Variants in COL3A1 observed in about 807,000 individuals in gnomAD.
The protein encoded by COL3A1 is collagen alpha-1(III) chain.
COL3A1 carries 46 observed loss-of-function variants against 200.9 expected under a neutral mutation model. The ratio of observed to expected loss-of-function variants is 0.23; its 90% confidence interval spans 0.18 to 0.29. COL3A1 has a LOEUF of 0.29. Ranked by LOEUF, COL3A1 falls within the 10% of genes least tolerant of loss-of-function variation. COL3A1 has a pLI of 1.00. For synonymous variants in COL3A1, 650 were observed against 628.0 expected (o/e 1.03, Z -0.52); for missense variants, 1,367 against 1,917.6 (o/e 0.71, Z 5.36).
At chr2:189,008,012 G>C (rs566509847) in intron 46 of COL3A1, 23 bp from the exon 47 acceptor site, 2 of 1,613,954 alleles carry the variant, frequency 1.2e-6, no homozygotes, top group Admixed American at 1.7e-5. Context: ...TTCTGGCATT[G>C]TGATGTCATG....
chr2:188,987,082 A>G lies in COL3A1; in HGVS notation c.471A>G (p.Ser157=), dbSNP rs201365900. The part of the protein sequence containing the change: ...GPQNYSPQYD[S]YDVKSGVAVG... ...AGAACTATTCTCCCCAGTATGATTC[A>G]TATGATGTCAAGTCTGGAGTAGCAG... The change falls in exon 5 of 51, where the codon TCA becomes TCG. Residue 157 remains serine, a synonymous_variant. Coordinates refer to ENST00000304636, the MANE Select transcript of COL3A1 (RefSeq NM_000090.4). 1.2e-6 allele frequency: 2 copies of G among 1,612,972 alleles called. No individual in the cohort carries two copies. Among genetic ancestry groups the G allele is most frequent in the East Asian group, 2.2e-5 (1 of 44,834 alleles).
At chr2:189,003,296 A>C (rs1688511038) in intron 36 of COL3A1, 115 bp from the exon 37 acceptor site, 1 of 890,374 alleles carries the variant, frequency 1.1e-6, no homozygotes, top group Non-Finnish European at 1.8e-6. Flanking sequence ...CAGCACCAGC[A>C]ATCTAAAAGT....
chr2:189,003,578 C>T lies in COL3A1; in HGVS notation c.2607+114C>T, dbSNP rs993784862. The T allele has an allele frequency of 7.7e-5, 102 of 1,326,462 alleles. No individual in the cohort carries two copies. In the African/African-American group the frequency reaches 1.3e-3, roughly 17 times the overall value. The allele number at this position is 1,326,462 out of a possible 1,614,324, so 82.2% of individuals were successfully genotyped here. Reference sequence around the variant, plus strand: ...AGAGAATGTAAAAATTGTAATCGCTCATTCATACATGAGTTATATGTAAAT... The same window carrying T: ...AGAGAATGTAAAAATTGTAATCGCTTATTCATACATGAGTTATATGTAAAT... On this transcript the variant is annotated intron_variant, in intron 37 of 50. Coordinates refer to ENST00000304636, the MANE Select transcript of COL3A1 (RefSeq NM_000090.4).
rs764932588 is a variant in COL3A1 at position 188,999,270 on chromosome 2, A to G, written c.2023-15A>G. ...TGGGTTGTCTAATATGGTTATTTACATATTTTTGTCACAGGGTGATGCTGG... is the reference window on the plus strand; with the variant it reads ...TGGGTTGTCTAATATGGTTATTTACGTATTTTTGTCACAGGGTGATGCTGG... On this transcript the variant is annotated splice_polypyrimidine_tract_variant and intron_variant, in intron 29 of 50. Coordinates refer to ENST00000304636, the MANE Select transcript of COL3A1 (RefSeq NM_000090.4). 2.6e-6 allele frequency: 4 copies of G among 1,557,156 alleles called. No homozygotes were observed. The African/African-American group carries it at 4.1e-5, about 16-fold the overall frequency.
chr2:189,002,330 T>C lies in COL3A1; in HGVS notation c.2424T>C (p.Pro808=), dbSNP rs1268617769. ...GERGETGPPG[P]AGFPGAPGQN... is the part of the protein sequence containing the mutation. ...GAGGTGAAACTGGCCCTCCAGGACC[T>C]GCTGGTTTCCCTGGTGCTCCTGTAA... is the stretch of plus-strand genomic sequence containing the variant. Residue 808 remains proline (P), a synonymous_variant, in exon 35 of 51, where the codon CCT becomes CCC. Transcript: ENST00000304636. 1 of 1,614,014 alleles carries C rather than the reference T, an allele frequency of 6.2e-7. No individual in the cohort carries two copies. The highest frequency in any genetic ancestry group is 8.5e-7 in the Non-Finnish European group (1 of 1,179,858).
chr2:189,007,099 ATATAT>A lies in COL3A1; in HGVS notation c.3255+110_3255+114del, dbSNP rs1688604636. On this transcript the variant is annotated intron_variant, in intron 44 of 50. Transcript: ENST00000304636. ...GCGTGTTCAGGAAAAAAGAATGAATATATATATATATATATATATATATATATATA... is the reference window on the plus strand; with the variant it reads ...GCGTGTTCAGGAAAAAAGAATGAATAATATATATATATATATATATATATA... 3 of 37,264 alleles carry A rather than the reference ATATAT, an allele frequency of 8.1e-5. 1 individual carries two copies. The highest frequency in any genetic ancestry group is 1.0e-3 in the South Asian group (1 of 978). The allele number at this position is 37,264 out of a possible 1,614,324, so 2.3% of individuals were successfully genotyped here.
chr2:188,978,070 A>C (rs1321839730), intron 1 of COL3A1: 1 of 414,048 alleles, frequency 2.4e-6, no homozygotes, highest in East Asian at 9.5e-5. Context: ...GCCTTGAAAA[A>C]TTTGGATTTT....
At chr2:188,988,693 A>G (rs752387616) in intron 7 of COL3A1, 50 bp downstream of exon 7, 21 of 1,289,814 alleles carry the variant, frequency 1.6e-5, no homozygotes, top group Non-Finnish European at 2.2e-5. Flanking sequence ...TCCATATGGA[A>G]CCTACCTTTG....
chr2:188,999,866 G>C lies in COL3A1; in HGVS notation c.2254G>C (p.Asp752His). The C allele has an allele frequency of 6.3e-7, 1 of 1,595,272 alleles. No individual in the cohort carries two copies. Residue 752 changes from aspartate (D) to histidine (H), a missense_variant, in exon 32 of 51, where the codon GAT (aspartate) becomes CAT (histidine). This residue lies in a region of COL3A1 where 846 missense variants were observed against 1,147.9 expected (regional missense o/e 0.74). Coordinates refer to ENST00000304636, the MANE Select transcript of COL3A1 (RefSeq NM_000090.4). ...GGGTGAACCAGGCGGTCCAGGTGCT[G>C]ATGGTGTCCCAGGGAAAGATGGCCC... Reference protein sequence around the residue: ...DKGEPGGPGADGVPGKDGPRG... With the variant: ...DKGEPGGPGAHGVPGKDGPRG...
intron 43 of COL3A1, 119 bp downstream of exon 43, chr2:189,006,571 A>G (rs942829600): frequency 1.0e-6 from 1 of 974,602 alleles, no homozygotes; most frequent in African/African-American, 1.6e-5. Flanking sequence ...TTTGTTTTAC[A>G]GTTTTAATGC....
intron 23 of COL3A1, 46 bp from the exon 24 acceptor site, chr2:188,996,352 A>G (rs1688318165): frequency 6.8e-7 from 1 of 1,470,950 alleles, no homozygotes; most frequent in Non-Finnish European, 9.5e-7. Context: ...GCATGCTTTA[A>G]TCTTCTCTTT....
rs1285669794 is a variant in COL3A1, at chr2:189,001,321, ATAT to A, written c.2284-75_2284-73del. On this transcript the variant is annotated intron_variant, in intron 32 of 50. Transcript: ENST00000304636. ...TCTAGTTTATTAGGTATCTATGTCTATATACTTTCTGTTTGATTAATGCAAAAA... is the reference window on the plus strand; with the variant it reads ...TCTAGTTTATTAGGTATCTATGTCTAACTTTCTGTTTGATTAATGCAAAAA... 2.2e-6 allele frequency: 3 copies of A among 1,388,606 alleles called. No homozygotes were observed. In the African/African-American group the frequency reaches 4.3e-5, roughly 20 times the overall value. 86.0% of individuals were successfully genotyped at this position (1,388,606 alleles called of 1,614,324 possible). A position where few individuals can be genotyped will look rare whatever the true frequency, so the allele number is the denominator to read the frequency against.
At chr2:188,985,157 T>G (rs756662440) in intron 2 of COL3A1, 40 bp from the exon 3 acceptor site, 3 of 1,593,674 alleles carry the variant, frequency 1.9e-6, no homozygotes, top group East Asian at 4.5e-5. Context: ...AATATGCAAA[T>G]TCTGTGTCTT....
intron 21 of COL3A1, 33 bp downstream of exon 21, chr2:188,995,132 C>G: frequency 3.8e-6 from 6 of 1,595,808 alleles, no homozygotes; most frequent in Non-Finnish European, 5.2e-6. Flanking sequence ...TTCCTAAATG[C>G]TAGCACCACA....
intron 36 of COL3A1, 44 bp from the exon 37 acceptor site, chr2:189,003,367 G>A (rs769872937): frequency 6.3e-7 from 1 of 1,574,824 alleles, no homozygotes; most frequent in Admixed American, 1.7e-5. Flanking sequence ...CCCAAATTTT[G>A]ATTTTGGTGC....
At position 189,006,272 on chromosome 2, in the gene COL3A1, CAT is replaced by C. The variant is rs778353200; in HGVS notation, c.3093+14_3093+15del. 6.2e-7 allele frequency: 1 copy of C among 1,614,054 alleles called. No homozygotes were observed. Among genetic ancestry groups the C allele is most frequent in the African/African-American group, 1.3e-5 (1 of 75,024 alleles). ...TCCTGGTGGCAAGGTATAATAAACA[CAT>C]GTGCAATTGATTTGTGTTATCAAAA... On this transcript the variant is annotated intron_variant, in intron 42 of 50. Transcript: ENST00000304636.
chr2:189,001,597 T>C lies in COL3A1; in HGVS notation c.2391+8T>C. The C allele has an allele frequency of 6.2e-7, 1 of 1,611,534 alleles. No homozygotes were observed. The highest frequency in any genetic ancestry group is 8.5e-7 in the Non-Finnish European group (1 of 1,179,936). ...GGACCTCGTGGTAGCCCTGTAAGTG[T>C]TAAAGACATTCTCAACATACTTTTT... is the stretch of plus-strand genomic sequence containing the variant. On this transcript the variant is annotated splice_region_variant and intron_variant, in intron 34 of 50. Transcript: ENST00000304636.
intron 37 of COL3A1, 105 bp downstream of exon 37, chr2:189,003,569 G>A: frequency 2.9e-6 from 4 of 1,365,372 alleles, no homozygotes; most frequent in African/African-American, 1.4e-5. Context: ...TGTAAAAATT[G>A]TAATCGCTCA....
intron 50 of COL3A1, 65 bp from the exon 51 acceptor site, chr2:189,011,563 G>A (rs1345898924): frequency 2.5e-6 from 4 of 1,599,660 alleles, no homozygotes; most frequent in South Asian, 1.1e-5. Context: ...TCTTTAACTT[G>A]TTAAGTCAGA....
Sources: gnomAD v4.1 joint callset for allele counts on GRCh38, gnomAD v4.1.1 for gene constraint, gnomAD v4.1.1 regional missense constraint, MANE v1.5 for transcripts, NCBI Gene and HGNC (gene_info 2026-07-23, HGNC 2026-07-21) for gene names.